SLC6A9: variants seen among roughly 807,000 people sequenced by gnomAD.
The protein encoded by SLC6A9 is sodium- and chloride-dependent glycine transporter 1.
A neutral mutation model predicts 70.9 loss-of-function variants in SLC6A9; 31 were observed. That is an observed-to-expected ratio of 0.44 (90% confidence interval 0.33 to 0.59). The LOEUF (loss-of-function observed/expected upper bound fraction) is 0.59. SLC6A9 is among the 20% of genes least tolerant of loss of function. The pLI, the probability that SLC6A9 is intolerant of heterozygous loss-of-function variation, is 0.04. For missense variants in SLC6A9, 631 were observed against 845.2 expected (o/e 0.75, Z 3.14); for synonymous variants, 310 against 341.3 (o/e 0.91, Z 1.01).
chr1:44,009,819 G>C (rs2086480846), intron 4 of SLC6A9, 146 bp downstream of exon 4: 1 of 959,136 alleles, frequency 1.0e-6, no homozygotes, highest in East Asian at 2.5e-5. Context: ...TGCATCCATG[G>C]CTTAGGCCGT....
At chr1:44,030,667 CAA>C (rs929374166) in intron 1 of SLC6A9, 3 of 152,274 alleles carry the variant, frequency 2.0e-5, no homozygotes, top group African/African-American at 4.8e-5. Flanking sequence ...AGAGCGCGGA[CAA>C]AGAGAGGCTG....
At chr1:44,011,456 C>A (rs1048221756) in intron 2 of SLC6A9, 11 of 943,614 alleles carry the variant, frequency 1.2e-5, no homozygotes, top group Non-Finnish European at 1.8e-5. Context: ...GGGGGAGCAG[C>A]TGAGCCGGGA....
chr1:44,030,337 C>G (rs1410262337), intron 1 of SLC6A9: 1 of 152,282 alleles, frequency 6.6e-6, no homozygotes, highest in African/African-American at 2.4e-5. Flanking sequence ...GGAAAAGTAC[C>G]GGGGCGCCGA....
At chr1:43,998,621 G>A (rs112427519) in intron 12 of SLC6A9, among the ~76,000 whole-genome samples, 2 of 152,148 alleles carry the variant, frequency 1.3e-5, no homozygotes, top group Non-Finnish European at 2.9e-5. Flanking sequence ...TTGGTTTAAC[G>A]TTCCCATAGA....
At chr1:44,022,872 A>C (rs535030023) in intron 2 of SLC6A9, among the ~76,000 whole-genome samples, 1 of 151,666 alleles carries the variant, frequency 6.6e-6, no homozygotes, top group East Asian at 1.9e-4. Flanking sequence ...CATCTGGCTA[A>C]TTTTTGTATT....
intron 5 of SLC6A9, among the ~76,000 whole-genome samples, chr1:44,007,183 C>A (rs2086349128): frequency 6.6e-6 from 1 of 152,150 alleles, no homozygotes; most frequent in African/African-American, 2.4e-5. Context: ...TGCCCCATCC[C>A]CTTAGCACCA....
At chr1:44,011,311 A>C (rs1291593540) in intron 2 of SLC6A9, among the ~76,000 whole-genome samples, 1 of 151,794 alleles carries the variant, frequency 6.6e-6, no homozygotes, top group Non-Finnish European at 1.5e-5. Flanking sequence ...CAGCCCCCCC[A>C]CCCGTCGCCT....
intron 12 of SLC6A9, among the ~76,000 whole-genome samples, chr1:44,000,158 T>C (rs1044206700): frequency 5.9e-5 from 9 of 152,210 alleles, no homozygotes; most frequent in Non-Finnish European, 1.5e-5. Flanking sequence ...ACGGGTTACA[T>C]GGGAATGGTG....
intron 2 of SLC6A9, among the ~76,000 whole-genome samples, chr1:44,012,818 G>A (rs915584000): frequency 1.6e-4 from 25 of 152,298 alleles, no homozygotes; most frequent in Non-Finnish European, 1.5e-4. Context: ...CCTGGTAGAG[G>A]GTGCCCCCCG....
In SLC6A9 at chr1:44,026,065, C is replaced by T. The variant is rs191451334; in HGVS notation, c.-85-1703G>A. Among the ~76,000 whole-genome samples the T allele has an allele frequency of 4.6e-5, 7 of 152,390 alleles. No homozygotes were observed. The East Asian group carries it at 1.4e-3, about 29-fold the overall frequency. On this transcript the variant is annotated intron_variant, in intron 1 of 13. Transcript: ENST00000372310. ...GGCATTTTTAGGCCCTTTGCCCTGGCTGCCTGGTCTCCTGCAGAGCTTCTC... is the reference window on the plus strand; with the variant it reads ...GGCATTTTTAGGCCCTTTGCCCTGGTTGCCTGGTCTCCTGCAGAGCTTCTC...
intron 4 of SLC6A9, 115 bp from the exon 5 acceptor site, chr1:44,008,738 C>G (rs1557680072): frequency 1.2e-6 from 1 of 814,256 alleles, no homozygotes; most frequent in African/African-American, 1.8e-5. Context: ...TGGAGTCTAG[C>G]TCTGTTGCCC....
intron 2 of SLC6A9, among the ~76,000 whole-genome samples, chr1:44,012,221 T>C (rs2086595290): frequency 3.3e-5 from 5 of 152,252 alleles, no homozygotes. Flanking sequence ...GGTGAAATGC[T>C]ATCAGACCCT....
At position 44,002,471 on chromosome 1, in the gene SLC6A9, G is replaced by GGCCCCTCCCCA; in HGVS notation, c.858+30_858+40dup. On this transcript the variant is annotated intron_variant, in intron 7 of 13. Transcript: ENST00000372310. This position sits in a 1 kb window ranked among gnomAD's most constrained non-coding sequence, Gnocchi z 5.5. ...TGTGGGCAGAGGCAGGCACCTCCCTGGCCCCTCCCCAGCCCCCTTCCGGTT... is the reference window on the plus strand; with the variant it reads ...TGTGGGCAGAGGCAGGCACCTCCCTGGCCCCTCCCCAGCCCCTCCCCAGCCCCCTTCCGGTT... 6.2e-7 allele frequency: 1 copy of GGCCCCTCCCCA among 1,613,428 alleles called. No homozygotes were observed. Among genetic ancestry groups the GGCCCCTCCCCA allele is most frequent in the Non-Finnish European group, 8.5e-7 (1 of 1,179,426 alleles).
chr1:44,009,991 A>G lies in SLC6A9; in HGVS notation c.293T>C (p.Val98Ala). Reference protein sequence around the residue: ...GQFASQGCLGVWRISPMFKGV... With the variant: ...GQFASQGCLGAWRISPMFKGV... ...TTTGAACATGGGGCTGATCCTCCAG[A>G]CCCCCAGGCACCCCTGGCTTGCAAA... is the stretch of plus-strand genomic sequence containing the variant. Residue 98 changes from valine (V) to alanine (A), a missense_variant, in exon 4 of 14, where the codon GTC (valine) becomes GCC (alanine). Val to Ala is a moderately conservative substitution (Grantham distance 64). Transcript: ENST00000372310. The G allele has an allele frequency of 6.2e-7, 1 of 1,613,886 alleles. No individual in the cohort carries two copies.
intron 12 of SLC6A9, 48 bp downstream of exon 12, chr1:44,000,719 A>G (rs762458733): frequency 7.9e-7 from 1 of 1,264,774 alleles, no homozygotes; most frequent in East Asian, 2.3e-5. Context: ...AGATGGACAC[A>G]TGGCCAAGGG....
Position 44,008,640 on chromosome 1 carries a change from G to GT in SLC6A9, c.320-18dup, listed in dbSNP as rs779124025. Reference sequence around the variant, plus strand: ...AGCCCACTCCTGCAGGAGGGGAGGGGTGGGGGGAGGAGCCTCAGCATCCAG... The same window carrying GT: ...AGCCCACTCCTGCAGGAGGGGAGGGGTTGGGGGGAGGAGCCTCAGCATCCAG... On this transcript the variant is annotated splice_polypyrimidine_tract_variant and intron_variant, in intron 4 of 13. Transcript: ENST00000372310. The GT allele has an allele frequency of 1.2e-6, 2 of 1,608,896 alleles. No individual in the cohort carries two copies. Among genetic ancestry groups the GT allele is most frequent in the East Asian group, 4.5e-5 (2 of 44,822 alleles).
intron 2 of SLC6A9, among the ~76,000 whole-genome samples, chr1:44,022,854 C>T (rs1019671675): frequency 2.0e-4 from 31 of 151,616 alleles, no homozygotes; most frequent in African/African-American, 7.0e-4. Context: ...TACAGGTGCG[C>T]ACCACCACAT....
rs201555057 is a variant in SLC6A9, at chr1:43,997,469, C to T, written c.*76G>A. 57 of 1,366,810 alleles carry T rather than the reference C, an allele frequency of 4.2e-5. No homozygotes were observed. Among genetic ancestry groups the T allele is most frequent in the Non-Finnish European group, 5.3e-5 (51 of 969,354 alleles). 84.7% of individuals were successfully genotyped at this position (1,366,810 alleles called of 1,614,324 possible). A position where few individuals can be genotyped will look rare whatever the true frequency, so the allele number is the denominator to read the frequency against. Reference sequence around the variant, plus strand: ...GGGCGTGGCAGGGGGCAGGCAGAGACACCTGGCCTCTGCCTCACCAGTCTC... The same window carrying T: ...GGGCGTGGCAGGGGGCAGGCAGAGATACCTGGCCTCTGCCTCACCAGTCTC... On this transcript the variant is annotated 3_prime_UTR_variant, in exon 14 of 14. Coordinates refer to ENST00000372310, the MANE Select transcript of SLC6A9 (RefSeq NM_001024845.3). This position sits in a 1 kb window ranked among gnomAD's most constrained non-coding sequence, Gnocchi z 4.4.
At chr1:43,999,674 C>G (rs557439744) in intron 12 of SLC6A9, among the ~76,000 whole-genome samples, 1 of 152,156 alleles carries the variant, frequency 6.6e-6, no homozygotes, top group Non-Finnish European at 1.5e-5. Flanking sequence ...TCGGGAACAT[C>G]CCACAACCTA....
Sources: gnomAD v4.1 joint callset for allele counts (sites outside exome capture counted in the v4.1 genomes callset) on GRCh38, gnomAD v4.1.1 for gene constraint, Gnocchi (gnomAD v3.1) non-coding constraint, MANE v1.5 for transcripts, NCBI Gene and HGNC (gene_info 2026-07-23, HGNC 2026-07-21) for gene names.